The following KSR2 variants were observed in gnomAD, a reference collection of about 807,000 sequenced individuals.
The protein encoded by KSR2 is kinase suppressor of ras 2.
Under a neutral mutation model 107.8 loss-of-function variants are expected in KSR2, and 25 were observed. The ratio of observed to expected loss-of-function variants is 0.23; its 90% CI spans 0.17 to 0.32. KSR2 has a LOEUF of 0.32. KSR2 is among the 10% of genes least tolerant of loss of function. The pLI, the probability that KSR2 is intolerant of heterozygous loss-of-function variation, is 1.00. For synonymous variants in KSR2, 480 were observed against 507.0 expected (o/e 0.95, Z 0.71); for missense variants, 887 against 1,268.9 (o/e 0.70, Z 4.57).
chr12:117,945,827 G>A (rs973187019), intron 1 of KSR2, among the ~76,000 whole-genome samples: 2 of 152,182 alleles, frequency 1.3e-5, no homozygotes, highest in Non-Finnish European at 2.9e-5. Context: ...ATATCAAAGG[G>A]AGAGTGCTAG....
chr12:117,475,408 T>C (rs950308709), intron 17 of KSR2, among the ~76,000 whole-genome samples: 3 of 152,162 alleles, frequency 2.0e-5, no homozygotes, highest in Admixed American at 2.0e-4. Flanking sequence ...TATTATTCCA[T>C]GTGGGCAATG....
At chr12:117,718,604 G>GAAT (rs1887088701) in intron 4 of KSR2, among the ~76,000 whole-genome samples, 1 of 152,116 alleles carries the variant, frequency 6.6e-6, no homozygotes, top group Non-Finnish European at 1.5e-5. Context: ...ACTGAGGCTC[G>GAAT]CACATGCCCA....
In KSR2 at chr12:117,465,394, C is replaced by A. The variant is rs1218636493; in HGVS notation, c.*1805G>T. 1 of 152,230 alleles carries A rather than the reference C, an allele frequency of 6.6e-6. No individual in the cohort carries two copies. Among genetic ancestry groups the A allele is most frequent in the Non-Finnish European group, 1.5e-5 (1 of 68,064 alleles). The allele number at this position is 152,230 out of a possible 1,614,324, so 9.4% of individuals were successfully genotyped here. ...AGCCCAAGCCGGGGTCTTTAGTCCT[C>A]TAGTCCCAGTAAGCTGGGAGTGTTG... is the stretch of plus-strand genomic sequence containing the variant. On this transcript the variant is annotated 3_prime_UTR_variant, in exon 20 of 20. Coordinates refer to ENST00000339824, the MANE Select transcript of KSR2 (RefSeq NM_173598.6).
intron 4 of KSR2, among the ~76,000 whole-genome samples, chr12:117,675,482 G>A (rs1885077621): frequency 1.3e-5 from 2 of 152,184 alleles, no homozygotes; most frequent in Admixed American, 1.3e-4. Flanking sequence ...AATTTCTTTT[G>A]TCAGCCCCCG....
intron 3 of KSR2, among the ~76,000 whole-genome samples, chr12:117,823,894 G>C (rs1891648447): frequency 6.6e-6 from 1 of 152,182 alleles, no homozygotes; most frequent in South Asian, 2.1e-4. Flanking sequence ...CAATTCCACT[G>C]CTGGGTATAC....
chr12:117,457,283 CA>C lies in KSR2; in HGVS notation c.*9915del, dbSNP rs1187375441. 6.6e-6 allele frequency: 1 copy of C among 152,194 alleles called. No individual in the cohort carries two copies. Among genetic ancestry groups the C allele is most frequent in the Non-Finnish European group, 1.5e-5 (1 of 68,062 alleles). 9.4% of individuals were successfully genotyped at this position (152,194 alleles called of 1,614,324 possible). A position where few individuals can be genotyped will look rare whatever the true frequency, so the allele number is the denominator to read the frequency against. On this transcript the variant is annotated 3_prime_UTR_variant, in exon 20 of 20. Transcript: ENST00000339824. ...TGTTCTCCTCTGATTTCCTTTCTCC[CA>C]TGGAAGGTTGCAGATGGCAGGATGC...
chr12:117,852,771 G>A (rs141308313), intron 3 of KSR2, among the ~76,000 whole-genome samples: 239 of 152,260 alleles, frequency 1.6e-3, no homozygotes, highest in Middle Eastern at 0.01. Flanking sequence ...ATATGACAAT[G>A]TTCACCATAA....
chr12:117,700,167 A>T (rs1480820364), intron 4 of KSR2, among the ~76,000 whole-genome samples: 1 of 151,910 alleles, frequency 6.6e-6, no homozygotes, highest in Non-Finnish European at 1.5e-5. Flanking sequence ...ATCTTACAGG[A>T]CCACCATCGT....
intron 1 of KSR2, among the ~76,000 whole-genome samples, chr12:117,895,094 G>A (rs1012742258): frequency 6.6e-6 from 1 of 151,846 alleles, no homozygotes; most frequent in African/African-American, 2.4e-5. Context: ...AGCCAGGTGT[G>A]GTGGCACAAA....
intron 10 of KSR2, among the ~76,000 whole-genome samples, chr12:117,535,565 T>C (rs539973030): frequency 2.6e-5 from 4 of 151,876 alleles, no homozygotes; most frequent in Non-Finnish European, 4.4e-5. Flanking sequence ...ACCTCCTTTC[T>C]TCTCCCTTTG....
intron 4 of KSR2, among the ~76,000 whole-genome samples, chr12:117,689,580 G>T (rs936551093): frequency 7.2e-5 from 11 of 152,088 alleles, no homozygotes; most frequent in Admixed American, 5.2e-4. Flanking sequence ...CAGTCAGCAG[G>T]CCAGATTTGG....
chr12:117,736,582 G>A (rs1192940553), intron 4 of KSR2, among the ~76,000 whole-genome samples: 8 of 152,196 alleles, frequency 5.3e-5, no homozygotes, highest in African/African-American at 1.9e-4. Flanking sequence ...GACCAAGGCA[G>A]GAGGATGGCT....
chr12:117,858,655 A>C (rs1186533139), intron 2 of KSR2, among the ~76,000 whole-genome samples: 1 of 152,226 alleles, frequency 6.6e-6, no homozygotes, highest in African/African-American at 2.4e-5. Context: ...TCTTCTGCCC[A>C]GCTCTGGGGG....
intron 5 of KSR2, among the ~76,000 whole-genome samples, chr12:117,588,652 T>G (rs1265968029): frequency 1.3e-5 from 2 of 152,232 alleles, no homozygotes; most frequent in Non-Finnish European, 2.9e-5. Context: ...TTTATCAGAC[T>G]CAGAGCAAAT....
At chr12:117,938,061 C>T (rs1394741030) in intron 1 of KSR2, among the ~76,000 whole-genome samples, 1 of 151,794 alleles carries the variant, frequency 6.6e-6, no homozygotes, top group African/African-American at 2.4e-5. Flanking sequence ...ATGCTATCTC[C>T]TAACTCTTGG....
At chr12:117,773,400 C>T (rs1293323791) in intron 3 of KSR2, among the ~76,000 whole-genome samples, 3 of 152,136 alleles carry the variant, frequency 2.0e-5, no homozygotes, top group African/African-American at 7.2e-5. Context: ...AAATAAAAGC[C>T]ATTCTCAAGG....
intron 5 of KSR2, among the ~76,000 whole-genome samples, chr12:117,619,435 C>T (rs1882055799): frequency 6.6e-6 from 1 of 151,822 alleles, no homozygotes; most frequent in Admixed American, 6.6e-5. Flanking sequence ...TCGTTCAAGT[C>T]CCACCTATAA....
chr12:117,846,144 T>C (rs1892697982), intron 3 of KSR2, among the ~76,000 whole-genome samples: 1 of 152,052 alleles, frequency 6.6e-6, no homozygotes, highest in South Asian at 2.1e-4. Flanking sequence ...GCCAATTCCT[T>C]GCAATAAATC....
At chr12:117,558,366 G>A (rs577601303) in intron 8 of KSR2, 140 bp downstream of exon 8, 101 of 651,738 alleles carry the variant, frequency 1.5e-4, no homozygotes, top group Admixed American at 1.0e-3. Context: ...GAAACAGGGC[G>A]TCAGAGAGAA....
Sources: allele counts gnomAD v4.1 joint callset (sites outside exome capture counted in the v4.1 genomes callset), GRCh38; gene constraint gnomAD v4.1.1; transcripts MANE v1.5; gene names NCBI Gene and HGNC (gene_info 2026-07-23, HGNC 2026-07-21).